CMTM8: variants seen among roughly 807,000 people sequenced by gnomAD.
CMTM8 encodes the protein CKLF like MARVEL transmembrane domain containing 8.
CMTM8 carries 12 observed loss-of-function variants against 18.6 expected under a neutral mutation model. The observed-to-expected ratio is 0.65, with a 90% CI of 0.41 to 1.05. CMTM8 has a LOEUF of 1.05. Ranked by LOEUF, CMTM8 falls within the 50% of genes least tolerant of loss-of-function variation. The pLI is 0.00. For synonymous variants in CMTM8, 87 were observed against 90.6 expected (o/e 0.96, Z 0.23); for missense variants, 217 against 227.2 (o/e 0.95, Z 0.29).
At chr3:32,347,538 G>A (rs1269828796) in intron 1 of CMTM8, among the ~76,000 whole-genome samples, 2 of 151,900 alleles carry the variant, frequency 1.3e-5, no homozygotes, top group African/African-American at 4.8e-5. Context: ...AAGTGCTGGG[G>A]GGCTTGGGGC....
chr3:32,244,134 A>C (rs1367024225), intron 1 of CMTM8: 1 of 152,964 alleles, frequency 6.5e-6, no homozygotes, highest in Non-Finnish European at 1.5e-5. Context: ...AGAAGGTTTG[A>C]TAGTTTCTGG....
At chr3:32,323,097 A>G (rs549645844) in intron 1 of CMTM8, among the ~76,000 whole-genome samples, 39 of 152,212 alleles carry the variant, frequency 2.6e-4, no homozygotes, top group African/African-American at 8.7e-4. Flanking sequence ...CCAAGGGGAG[A>G]TGATATTCAG....
rs554143113 is a variant in CMTM8, at chr3:32,250,983, T to C, written c.147+11864T>C. ...AATAATTATTTTGTGGTTCGACATA[T>C]GTTTTTAAGGCTTTTGGTGTTGCTG... On this transcript the variant is annotated intron_variant, in intron 1 of 3. Transcript: ENST00000307526. Among the ~76,000 whole-genome samples, 10 of 152,368 alleles carry C rather than the reference T, an allele frequency of 6.6e-5. 1 individual carries two copies. The South Asian group carries it at 1.7e-3, about 25-fold the overall frequency.
chr3:32,259,902 A>G, intron 1 of CMTM8: 1 of 1,013,716 alleles, frequency 9.9e-7, no homozygotes. Flanking sequence ...AGCCTGGAGA[A>G]CAGCCTGAGG....
At chr3:32,303,111 G>A (rs1478587193) in intron 1 of CMTM8, among the ~76,000 whole-genome samples, 1 of 152,164 alleles carries the variant, frequency 6.6e-6, no homozygotes, top group African/African-American at 2.4e-5. Flanking sequence ...CAAATTGCAG[G>A]CGTCTAGGAT....
intron 1 of CMTM8, among the ~76,000 whole-genome samples, chr3:32,248,797 A>G (rs896720277): frequency 1.3e-5 from 2 of 151,896 alleles, no homozygotes; most frequent in African/African-American, 2.4e-5. Flanking sequence ...CAGGCCTCCA[A>G]GTAGCTAGGA....
At chr3:32,274,065 T>G (rs186352208) in intron 1 of CMTM8, among the ~76,000 whole-genome samples, 1 of 152,154 alleles carries the variant, frequency 6.6e-6, no homozygotes, top group Non-Finnish European at 1.5e-5. Flanking sequence ...ATCCCAACAC[T>G]TTGGGAGGCT....
intron 1 of CMTM8, among the ~76,000 whole-genome samples, chr3:32,274,550 A>G (rs141726752): frequency 6.6e-6 from 1 of 152,212 alleles, no homozygotes; most frequent in East Asian, 1.9e-4. Context: ...TATGGAACCA[A>G]TTGAGAGTAG....
At chr3:32,239,144 G>T (rs1427918127) in intron 1 of CMTM8, 25 bp downstream of exon 1, 2 of 1,579,536 alleles carry the variant, frequency 1.3e-6, no homozygotes, top group African/African-American at 1.4e-5. Context: ...GCCGGGGGTG[G>T]CGGGGGGCTC....
At chr3:32,275,120 T>C (rs576257943) in intron 1 of CMTM8, among the ~76,000 whole-genome samples, 3 of 151,818 alleles carry the variant, frequency 2.0e-5, no homozygotes, top group Admixed American at 6.6e-5. Flanking sequence ...TCCTCCCACC[T>C]CAGCCTCCCA....
At chr3:32,264,412 T>C (rs375991888) in intron 1 of CMTM8, among the ~76,000 whole-genome samples, 1 of 152,202 alleles carries the variant, frequency 6.6e-6, no homozygotes, top group African/African-American at 2.4e-5. Context: ...CTGAGCGATT[T>C]TGTCACCACT....
rs146154612 is a variant in CMTM8, at chr3:32,337,341, T to C, written c.148-20032T>C. ...GACCACAGACAACACCAGCCAGGCC[T>C]GCACGGACAGAGGTGGCCCTGGAAT... On this transcript the variant is annotated intron_variant, in intron 1 of 3. Transcript: ENST00000307526. 4.3e-4 allele frequency among the ~76,000 whole-genome samples: 65 copies of C among 152,306 alleles called. No individual in the cohort carries two copies. The East Asian group carries it at 0.011, about 26-fold the overall frequency.
chr3:32,363,945 T>C (rs536303497), intron 2 of CMTM8, among the ~76,000 whole-genome samples: 111 of 152,288 alleles, frequency 7.3e-4, no homozygotes, highest in African/African-American at 2.4e-3. Context: ...CCTGTACCTT[T>C]TCCTCAGCCT....
chr3:32,301,894 A>G (rs1317901998), intron 1 of CMTM8, among the ~76,000 whole-genome samples: 2 of 152,172 alleles, frequency 1.3e-5, no homozygotes, highest in African/African-American at 2.4e-5. Context: ...TTGTTTTTGC[A>G]TATGTCAAAT....
chr3:32,255,929 C>T (rs902520234), intron 1 of CMTM8, among the ~76,000 whole-genome samples: 2 of 152,006 alleles, frequency 1.3e-5, no homozygotes, highest in African/African-American at 4.8e-5. Context: ...GATTTCGCCG[C>T]ATTGCCCAGT....
At chr3:32,335,967 A>C (rs1019002332) in intron 1 of CMTM8, among the ~76,000 whole-genome samples, 5 of 152,190 alleles carry the variant, frequency 3.3e-5, no homozygotes, top group Non-Finnish European at 7.3e-5. Context: ...GACTCCAGAA[A>C]GCAGCCCTGA....
At chr3:32,290,037 G>A (rs926115316) in intron 1 of CMTM8, among the ~76,000 whole-genome samples, 7 of 152,116 alleles carry the variant, frequency 4.6e-5, no homozygotes, top group Admixed American at 3.9e-4. Flanking sequence ...AGGATCACAT[G>A]AGCCTGGTCA....
chr3:32,261,869 C>T (rs1290857858), intron 1 of CMTM8, among the ~76,000 whole-genome samples: 1 of 152,158 alleles, frequency 6.6e-6, no homozygotes, highest in Non-Finnish European at 1.5e-5. Flanking sequence ...GTAATATGTC[C>T]CTTTCATGGG....
chr3:32,250,710 A>T lies in CMTM8; in HGVS notation c.147+11591A>T, dbSNP rs563458880. On this transcript the variant is annotated intron_variant, in intron 1 of 3. Coordinates refer to ENST00000307526, the MANE Select transcript of CMTM8 (RefSeq NM_178868.5). ...TGTTTGGATTGTTCAGTGCCAGGTT[A>T]TAGAACTCCAATTGAGTTCTTTTTT... Among the ~76,000 whole-genome samples the T allele has an allele frequency of 1.2e-3, 180 of 152,164 alleles. 1 individual carries two copies. The highest frequency in any genetic ancestry group is 3.9e-3 in the African/African-American group (160 of 41,554).
Sources: gnomAD v4.1 joint callset for allele counts (sites outside exome capture counted in the v4.1 genomes callset) on GRCh38, gnomAD v4.1.1 for gene constraint, MANE v1.5 for transcripts, NCBI Gene and HGNC (gene_info 2026-07-23, HGNC 2026-07-21) for gene names.